Variants in LMBR1 observed in about 807,000 individuals in gnomAD.
The protein encoded by LMBR1 is limb region 1 protein homolog.
LMBR1 carries 52 observed loss-of-function variants against 73.9 expected under a neutral mutation model. The observed-to-expected ratio is 0.70, with a 90% confidence interval of 0.56 to 0.89. The LOEUF is 0.89. LMBR1 is among the 40% of genes least tolerant of loss of function. The probability of loss-of-function intolerance (pLI) is 0.00; values close to 1 mark genes in which losing one functional copy is unlikely to be tolerated. For synonymous variants in LMBR1, 215 were observed against 209.4 expected, an observed-to-expected ratio of 1.03 and a Z score of -0.23; for missense variants, 539 against 579.8, an observed-to-expected ratio of 0.93 and a Z score of 0.72.
At chr7:156,803,551 G>A (rs945226762) in intron 4 of LMBR1, among the ~76,000 whole-genome samples, 1 of 152,078 alleles carries the variant, frequency 6.6e-6, no homozygotes, top group Non-Finnish European at 1.5e-5. Context: ...TGCACTGTTG[G>A]TGGGACTGTC....
intron 1 of LMBR1, among the ~76,000 whole-genome samples, chr7:156,865,896 G>A (rs1220338998): frequency 6.6e-6 from 1 of 152,100 alleles, no homozygotes; most frequent in Non-Finnish European, 1.5e-5. Context: ...CAAAAGAATG[G>A]AGATGGGACC....
At position 156,760,519 on chromosome 7, in the gene LMBR1, A is replaced by G. The variant is rs559368187; in HGVS notation, c.684+1615T>C. ...ATGATGGAACTTTAAACATTTGCCT[A>G]TAGTTAGGGGTCAGGAAGCAGAAAA... is the stretch of plus-strand genomic sequence containing the variant. On this transcript the variant is annotated intron_variant, in intron 8 of 16. Transcript: ENST00000353442. Among the ~76,000 whole-genome samples the G allele has an allele frequency of 2.6e-5, 4 of 152,298 alleles. No individual in the cohort carries two copies. In the East Asian group the frequency reaches 7.7e-4, roughly 29 times the overall value.
chr7:156,684,045 T>C lies in LMBR1; in HGVS notation c.*33A>G, dbSNP rs1805495159. ...ATGTCGTGAATCTGGAGTTCTCGGG[T>C]CTCTTGGTGGCAGAAGACGCCGTCT... On this transcript the variant is annotated 3_prime_UTR_variant, in exon 17 of 17. Transcript: ENST00000353442. The C allele has an allele frequency of 6.5e-7, 1 of 1,539,956 alleles. No individual in the cohort carries two copies. The highest frequency in any genetic ancestry group is 9.0e-7 in the Non-Finnish European group (1 of 1,114,364).
chr7:156,703,569 A>G (rs993020511), intron 15 of LMBR1, among the ~76,000 whole-genome samples: 1 of 152,186 alleles, frequency 6.6e-6, no homozygotes, highest in African/African-American at 2.4e-5. Flanking sequence ...CACAAGTTCC[A>G]TGTCTGCTGG....
chr7:156,733,696 T>A (rs1026339629), intron 10 of LMBR1, among the ~76,000 whole-genome samples: 5 of 151,750 alleles, frequency 3.3e-5, no homozygotes, highest in Non-Finnish European at 7.4e-5. Flanking sequence ...AAGGGAAGCA[T>A]GAGGGGAAAA....
At chr7:156,784,724 G>A (rs1827773786) in intron 5 of LMBR1, among the ~76,000 whole-genome samples, 1 of 152,210 alleles carries the variant, frequency 6.6e-6, no homozygotes, top group Non-Finnish European at 1.5e-5. Flanking sequence ...GAAGTCAATT[G>A]TGTCTCTATT....
chr7:156,884,961 T>G (rs775296306), intron 1 of LMBR1, among the ~76,000 whole-genome samples: 8 of 152,192 alleles, frequency 5.3e-5, no homozygotes, highest in Non-Finnish European at 8.8e-5. Context: ...AGAGAGGCAG[T>G]AGATGAAGGA....
At chr7:156,866,182 T>C (rs1337449889) in intron 1 of LMBR1, among the ~76,000 whole-genome samples, 3 of 152,118 alleles carry the variant, frequency 2.0e-5, no homozygotes, top group East Asian at 1.9e-4. Flanking sequence ...ATATGTCTGA[T>C]AGGGGTCTTA....
downstream of LMBR1, among the ~76,000 whole-genome samples, chr7:156,677,395 G>A (rs1310394255): frequency 5.9e-5 from 9 of 152,166 alleles, no homozygotes; most frequent in Admixed American, 5.9e-4. Context: ...GGCAGGGCGA[G>A]GGTACACCAT....
rs1224117979 is a variant in LMBR1 at position 156,746,188 on chromosome 7, A to G, written c.757+10205T>C. Among the ~76,000 whole-genome samples the G allele has an allele frequency of 1.3e-5, 2 of 152,222 alleles. 1 individual carries two copies. The highest frequency in any genetic ancestry group is 4.8e-5 in the African/African-American group (2 of 41,462). On this transcript the variant is annotated intron_variant, in intron 9 of 16. Coordinates refer to ENST00000353442, the MANE Select transcript of LMBR1 (RefSeq NM_022458.4). ...TTACTTTTATCTCCATTCTTTATCAATTAAACTGTGTATCTGTAATTAATG... is the reference window on the plus strand; with the variant it reads ...TTACTTTTATCTCCATTCTTTATCAGTTAAACTGTGTATCTGTAATTAATG...
At chr7:156,671,252 C>T (rs1256387893) in intron 4 of LMBR1, among the ~76,000 whole-genome samples, 1 of 152,180 alleles carries the variant, frequency 6.6e-6, no homozygotes, top group African/African-American at 2.4e-5. Flanking sequence ...AGTAACAACA[C>T]AAAGCGGACT....
At chr7:156,854,546 C>T (rs184042075) in intron 1 of LMBR1, among the ~76,000 whole-genome samples, 105 of 152,300 alleles carry the variant, frequency 6.9e-4, no homozygotes, top group African/African-American at 2.4e-3. Context: ...AAGAAAGGCC[C>T]GTCTGCAAGA....
chr7:156,698,493 A>T (rs1198089589), intron 15 of LMBR1, among the ~76,000 whole-genome samples: 1 of 152,094 alleles, frequency 6.6e-6, no homozygotes, highest in Admixed American at 6.5e-5. Flanking sequence ...GTGTTTCCAT[A>T]CATCTTCTGA....
chr7:156,838,977 G>C (rs919942850), intron 1 of LMBR1, among the ~76,000 whole-genome samples: 2 of 150,114 alleles, frequency 1.3e-5, no homozygotes, highest in Non-Finnish European at 1.5e-5. Context: ...TAGTGATGTT[G>C]AACACATTTT....
chr7:156,690,167 C>A (rs918920903), intron 15 of LMBR1, among the ~76,000 whole-genome samples: 2 of 152,108 alleles, frequency 1.3e-5, no homozygotes, highest in Non-Finnish European at 2.9e-5. Context: ...ACATATACTA[C>A]CATCAGTAAA....
chr7:156,785,844 A>C (rs1827976389), intron 5 of LMBR1, among the ~76,000 whole-genome samples: 1 of 152,230 alleles, frequency 6.6e-6, no homozygotes, highest in Admixed American at 6.5e-5. Flanking sequence ...GTTCAAGATG[A>C]TGGGTCTCAC....
rs61223576 is a variant in LMBR1, at chr7:156,712,566, T to C, written c.1225+11546A>G. ...TATCAAAAAGATGCCTGCACTCATA[T>C]GTTTATAGCAGCACTGATCACAATA... On this transcript the variant is annotated intron_variant, in intron 15 of 16. Coordinates refer to ENST00000353442, the MANE Select transcript of LMBR1 (RefSeq NM_022458.4). Among the ~76,000 whole-genome samples, 851 of 152,352 alleles carry C rather than the reference T, an allele frequency of 5.6e-3. 21 individuals carry two copies. In the South Asian group the frequency reaches 0.079, roughly 14 times the overall value.
rs750380531 is a variant in LMBR1 at position 156,762,098 on chromosome 7, T to G, written c.684+36A>C. 4 of 1,213,850 alleles carry G rather than the reference T, an allele frequency of 3.3e-6. No homozygotes were observed. In the South Asian group the frequency reaches 3.8e-5, roughly 11 times the overall value. The allele number at this position is 1,213,850 out of a possible 1,614,324, so 75.2% of individuals were successfully genotyped here. A position where few individuals can be genotyped will look rare whatever the true frequency, so the allele number is the denominator to read the frequency against. ...AGACAATCAAATGTAAACACATTTA[T>G]TTAATAAACAAAATGATTTATAATT... On this transcript the variant is annotated intron_variant, in intron 8 of 16. Transcript: ENST00000353442.
chr7:156,881,513 G>A (rs1801085155), intron 1 of LMBR1, among the ~76,000 whole-genome samples: 1 of 152,100 alleles, frequency 6.6e-6, no homozygotes, highest in Non-Finnish European at 1.5e-5. Context: ...AAAAGTTTCT[G>A]TACAGCAAAG....
Sources: allele counts gnomAD v4.1 joint callset (sites outside exome capture counted in the v4.1 genomes callset), GRCh38; gene constraint gnomAD v4.1.1; transcripts MANE v1.5; gene names NCBI Gene and HGNC (gene_info 2026-07-23, HGNC 2026-07-21).